P4HA3: variants seen among roughly 807,000 people sequenced by gnomAD.
P4HA3 encodes prolyl 4-hydroxylase subunit alpha-3.
P4HA3 carries 60 observed loss-of-function variants against 66.7 expected under a neutral mutation model. The observed-to-expected ratio is 0.90, with a 90% confidence interval of 0.73 to 1.12. P4HA3 has a LOEUF of 1.12. Ranked by LOEUF, P4HA3 falls within the 50% of genes most tolerant of loss-of-function variation. The pLI, the probability that P4HA3 is intolerant of heterozygous loss-of-function variation, is 0.00. For synonymous variants in P4HA3, 263 were observed against 274.6 expected, an observed-to-expected ratio of 0.96 and a Z score of 0.42; for missense variants, 683 against 685.8, an observed-to-expected ratio of 1.00 and a Z score of 0.05.
chr11:74,257,322 G>A (rs1423462728), intron 15 of P4HA3, among the ~76,000 whole-genome samples: 2 of 151,966 alleles, frequency 1.3e-5, no homozygotes, highest in East Asian at 1.9e-4. Context: ...ATGGGGTTTT[G>A]CCATGTTGGC....
At chr11:74,275,272 A>G (rs1860357044) in intron 9 of P4HA3, among the ~76,000 whole-genome samples, 1 of 151,958 alleles carries the variant, frequency 6.6e-6, no homozygotes, top group South Asian at 2.1e-4. Context: ...GGTCACAAAA[A>G]TTTTCTCTTA....
At chr11:74,271,071 A>C (rs1860179185) in intron 10 of P4HA3, among the ~76,000 whole-genome samples, 1 of 152,206 alleles carries the variant, frequency 6.6e-6, no homozygotes, top group South Asian at 2.1e-4. Flanking sequence ...CAGAAGGTTC[A>C]TGCTCTGTAA....
chr11:74,269,291 C>T (rs953949016), intron 11 of P4HA3, among the ~76,000 whole-genome samples: 1 of 152,158 alleles, frequency 6.6e-6, no homozygotes, highest in Non-Finnish European at 1.5e-5. Flanking sequence ...CTGCACCCTC[C>T]GTGCCTCTAG....
chr11:74,297,250 G>A (rs781718470), intron 4 of P4HA3, among the ~76,000 whole-genome samples: 24 of 152,024 alleles, frequency 1.6e-4, no homozygotes, highest in Non-Finnish European at 2.8e-4. Flanking sequence ...CACCACATCC[G>A]GCCAACACAT....
intron 7 of P4HA3, among the ~76,000 whole-genome samples, chr11:74,282,842 G>A (rs952625005): frequency 1.3e-5 from 2 of 152,150 alleles, no homozygotes; most frequent in African/African-American, 2.4e-5. Flanking sequence ...GTGAGAAAAA[G>A]CTTAGAGTTC....
intron 7 of P4HA3, among the ~76,000 whole-genome samples, chr11:74,284,721 C>T (rs1239932328): frequency 2.6e-5 from 4 of 152,146 alleles, no homozygotes; most frequent in Non-Finnish European, 5.9e-5. Context: ...AGAAGCATCT[C>T]TCTGGGGCTG....
At chr11:74,265,210 C>T (rs780143429), downstream of P4HA3, among the ~76,000 whole-genome samples, 14 of 152,172 alleles carry the variant, frequency 9.2e-5, no homozygotes, top group South Asian at 2.1e-4. Flanking sequence ...TGCAGACAGT[C>T]GCTTTCTGTC....
intron 7 of P4HA3, among the ~76,000 whole-genome samples, chr11:74,281,174 T>A (rs1251300538): frequency 4.3e-4 from 65 of 152,132 alleles, no homozygotes; most frequent in Non-Finnish European, 6.9e-4. Context: ...CCACAATGAG[T>A]TACCATCTCA....
chr11:74,288,269 C>T (rs946622553), intron 5 of P4HA3, among the ~76,000 whole-genome samples: 1 of 152,142 alleles, frequency 6.6e-6, no homozygotes, highest in Admixed American at 6.5e-5. Flanking sequence ...AATTCTGTGA[C>T]CTACTGGCTG....
chr11:74,294,408 C>G (rs918624756), intron 4 of P4HA3, among the ~76,000 whole-genome samples: 1 of 152,122 alleles, frequency 6.6e-6, no homozygotes, highest in Admixed American at 6.5e-5. Context: ...TCCTGTAGCT[C>G]GGAGTAGTTT....
In P4HA3 at chr11:74,286,006, G is replaced by T. The variant is rs1315925670; in HGVS notation, c.934-21C>A. The T allele has an allele frequency of 1.9e-6, 3 of 1,587,524 alleles. No homozygotes were observed. In the African/African-American group the frequency reaches 4.0e-5, roughly 21 times the overall value. On this transcript the variant is annotated intron_variant, in intron 6 of 12. Coordinates refer to ENST00000331597, the MANE Select transcript of P4HA3 (RefSeq NM_182904.5). ...GTGGGCTGGAAGGAAAGAATAGGAT[G>T]AGCATAAGAGAAGAAGGGTCTAGGA...
chr11:74,253,294 G>A (rs1859752323), intron 15 of P4HA3, among the ~76,000 whole-genome samples: 1 of 152,098 alleles, frequency 6.6e-6, no homozygotes, highest in East Asian at 1.9e-4. Context: ...GGGGCCCTTC[G>A]ACCATTTGGA....
At chr11:74,274,472 ATT>A (rs575693268) in intron 9 of P4HA3, among the ~76,000 whole-genome samples, 7 of 140,560 alleles carry the variant, frequency 5.0e-5, no homozygotes, top group East Asian at 2.1e-4. Flanking sequence ...TGCCCAGCTA[ATT>A]TTTTTTTTTT....
At chr11:74,260,409 G>A (rs990619093) in intron 14 of P4HA3, among the ~76,000 whole-genome samples, 2 of 152,178 alleles carry the variant, frequency 1.3e-5, no homozygotes, top group Non-Finnish European at 2.9e-5. Context: ...TTGCAAGAGA[G>A]TAAAAAACAG....
chr11:74,293,314 T>G (rs1861099292), intron 4 of P4HA3, among the ~76,000 whole-genome samples: 1 of 151,552 alleles, frequency 6.6e-6, no homozygotes, highest in African/African-American at 2.4e-5. Flanking sequence ...TCTTCCTCCA[T>G]CCCTTTATTT....
intron 7 of P4HA3, among the ~76,000 whole-genome samples, chr11:74,281,202 A>G (rs1450374017): frequency 1.3e-5 from 2 of 152,162 alleles, no homozygotes; most frequent in Middle Eastern, 3.2e-3. Flanking sequence ...TAGAATGGCA[A>G]TCATTAAAAA....
chr11:74,253,849 T>A, intron 15 of P4HA3: 1 of 445,724 alleles, frequency 2.2e-6, no homozygotes, highest in East Asian at 3.8e-5. Context: ...AGGCGATACA[T>A]CTGAGTTCAA....
intron 1 of P4HA3, among the ~76,000 whole-genome samples, chr11:74,307,167 T>G (rs1165948164): frequency 6.6e-6 from 1 of 152,190 alleles, no homozygotes; most frequent in Non-Finnish European, 1.5e-5. Flanking sequence ...TCACTCAGTT[T>G]CCTCATCCAT....
In P4HA3 at chr11:74,268,191, ACTGTCCCCTTCACCACTC is replaced by A. The variant is rs1361381126; in HGVS notation, c.1500_1517del (p.Arg500_Asp505del). The stretch of plus-strand genomic sequence containing the variant: ...CAGGACAGCCAGCATGAAGTGTGTC[ACTGTCCCCTTCACCACTC>A]CTGTGCAGGTTCCACCAAAACAGTG... On this transcript the variant is annotated inframe_deletion, in exon 12 of 13. Coordinates refer to ENST00000331597, the MANE Select transcript of P4HA3 (RefSeq NM_182904.5). 6.2e-7 allele frequency: 1 copy of A among 1,613,932 alleles called. No individual in the cohort carries two copies. The highest frequency in any genetic ancestry group is 1.3e-5 in the African/African-American group (1 of 74,918).
Sources: gnomAD v4.1 joint callset for allele counts (sites outside exome capture counted in the v4.1 genomes callset) on GRCh38, gnomAD v4.1.1 for gene constraint, MANE v1.5 for transcripts, NCBI Gene and HGNC (gene_info 2026-07-23, HGNC 2026-07-21) for gene names.